ABCA8: variants seen among roughly 807,000 people sequenced by gnomAD.
ABCA8 encodes ABC-type organic anion transporter ABCA8.
ABCA8 carries 177 observed loss-of-function variants against 192.3 expected under a neutral mutation model. That is an observed-to-expected ratio of 0.92 (90% CI 0.81 to 1.04). The LOEUF (loss-of-function observed/expected upper bound fraction) is 1.04, where lower values mean the gene tolerates loss of function less well. Among genes scored for constraint, ABCA8 ranks in the 50% least tolerant of loss-of-function variants. The pLI is 0.00. For synonymous variants in ABCA8, 642 were observed against 690.2 expected (o/e 0.93, Z 1.09); for missense variants, 1,915 against 1,904.8 (o/e 1.01, Z -0.10).
Position 68,891,682 on chromosome 17 carries a change from T to C in ABCA8, c.3037-86A>G, listed in dbSNP as rs147563459. The C allele has an allele frequency of 2.1e-5, 21 of 989,068 alleles. No individual in the cohort carries two copies. The East Asian group carries it at 5.7e-4, about 27-fold the overall frequency. 61.3% of individuals were successfully genotyped at this position (989,068 alleles called of 1,614,324 possible). On this transcript the variant is annotated intron_variant, in intron 23 of 39. Transcript: ENST00000586539. ...TACATTTTTAAAATTTTAGACTAAGTTTACATAATTCTGCCTTAGGTCCCT... is the reference window on the plus strand; with the variant it reads ...TACATTTTTAAAATTTTAGACTAAGCTTACATAATTCTGCCTTAGGTCCCT...
At position 68,891,475 on chromosome 17, in the gene ABCA8, T is replaced by C; in HGVS notation, c.3144+14A>G. 1 of 1,560,456 alleles carries C rather than the reference T, an allele frequency of 6.4e-7. No individual in the cohort carries two copies. Among genetic ancestry groups the C allele is most frequent in the African/African-American group, 1.4e-5 (1 of 73,714 alleles). On this transcript the variant is annotated intron_variant, in intron 24 of 39. Transcript: ENST00000586539. ...TTATGCAAAATAATGGAAGTTGCAA[T>C]TACTCATTATTACCTTATAATCATC... is the stretch of plus-strand genomic sequence containing the variant.
rs753728781 is a variant in ABCA8 at position 68,903,326 on chromosome 17, G to T, written c.2572C>A (p.His858Asn). Reference protein sequence around the residue: ...IARVRLLKLKHERKALLALLL... With the variant: ...IARVRLLKLKNERKALLALLL... Reference sequence around the variant, plus strand: ...AGTGCTAAAAGAGCTTTTCTTTCATGCTTTAACTTTAACAAGCGAACCCTT... The same window carrying T: ...AGTGCTAAAAGAGCTTTTCTTTCATTCTTTAACTTTAACAAGCGAACCCTT... The change falls in exon 20 of 40, where the codon CAT becomes AAT. Residue 858 changes from histidine (H) to asparagine (N), a missense_variant. Physicochemically the swap from His to Asn is moderately conservative, Grantham distance 68. Transcript: ENST00000586539. 4 of 1,614,168 alleles carry T rather than the reference G, an allele frequency of 2.5e-6. No individual in the cohort carries two copies. The highest frequency in any genetic ancestry group is 3.4e-6 in the Non-Finnish European group (4 of 1,180,034).
chr17:68,903,980 A>T (rs1229118513), intron 19 of ABCA8, among the ~76,000 whole-genome samples: 2 of 152,144 alleles, frequency 1.3e-5, no homozygotes, highest in Non-Finnish European at 2.9e-5. Context: ...GATACCCAGG[A>T]TGCTGTCCAT....
In ABCA8 at chr17:68,919,327, T is replaced by G. The variant is rs1402690726; in HGVS notation, c.1762A>C (p.Ile588Leu). The part of the protein sequence containing the change: ...NLRLFAKIKG[I>L]LPQEVDKEIQ... ...TCTTTATCCACTTCTTGTGGCAGAATCCCTTTTATTTTAGCAAAGAGTCTG... is the reference window on the plus strand; with the variant it reads ...TCTTTATCCACTTCTTGTGGCAGAAGCCCTTTTATTTTAGCAAAGAGTCTG... The change falls in exon 14 of 40, where the codon ATT (isoleucine) becomes CTT (leucine). Residue 588 changes from isoleucine (I) to leucine (L), a missense_variant. Transcript: ENST00000586539. The G allele has an allele frequency of 1.4e-5, 22 of 1,612,762 alleles. No individual in the cohort carries two copies. Among genetic ancestry groups the G allele is most frequent in the Non-Finnish European group, 1.9e-5 (22 of 1,179,466 alleles).
chr17:68,906,830 G>C (rs988349190), intron 18 of ABCA8, among the ~76,000 whole-genome samples: 3 of 152,072 alleles, frequency 2.0e-5, no homozygotes, highest in East Asian at 1.9e-4. Context: ...TTACGCATCT[G>C]TCATTGTTCA....
chr17:68,942,630 CA>C (rs4148016), intron 2 of ABCA8, among the ~76,000 whole-genome samples: 4,897 of 152,202 alleles, frequency 0.032, 176 homozygotes, highest in East Asian at 0.2. Context: ...CGTCCTGTTG[CA>C]AAAGGAGTGC....
chr17:68,948,088 T>G (rs2068463601), intron 2 of ABCA8, among the ~76,000 whole-genome samples: 1 of 152,240 alleles, frequency 6.6e-6, no homozygotes, highest in South Asian at 2.1e-4. Context: ...TTCTTTTTCA[T>G]GGCTGCATAG....
intron 9 of ABCA8, among the ~76,000 whole-genome samples, chr17:68,928,422 G>C (rs1317026908): frequency 6.6e-6 from 1 of 152,146 alleles, no homozygotes; most frequent in Non-Finnish European, 1.5e-5. Flanking sequence ...GCGGCATGAG[G>C]GAGAATTTCT....
intron 18 of ABCA8, among the ~76,000 whole-genome samples, chr17:68,906,884 A>G (rs1486058356): frequency 2.0e-5 from 3 of 152,134 alleles, no homozygotes; most frequent in Non-Finnish European, 4.4e-5. Context: ...TTTGAATTAC[A>G]GTGGTTAAAT....
intron 2 of ABCA8, among the ~76,000 whole-genome samples, chr17:68,942,623 C>T (rs2068264690): frequency 6.6e-6 from 1 of 151,644 alleles, no homozygotes; most frequent in East Asian, 2.0e-4. Flanking sequence ...CTTTGGCCGT[C>T]CTGTTGCAAA....
rs752567105 is a variant in ABCA8, at chr17:68,919,364, T to C, written c.1725A>G (p.Val575=). The change falls in exon 14 of 40, where the codon GTA becomes GTG. Residue 575 remains valine, a synonymous_variant. Transcript: ENST00000586539. ...QSNVQFDFLT[V]RENLRLFAKI... is the part of the protein sequence containing the mutation. The stretch of plus-strand genomic sequence containing the variant: ...TAGCAAAGAGTCTGAGGTTTTCTCT[T>C]ACAGTGAGGAAGTCAAATTGCACAT... 5.6e-6 allele frequency: 9 copies of C among 1,613,904 alleles called. No homozygotes were observed. Among genetic ancestry groups the C allele is most frequent in the Non-Finnish European group, 6.8e-6 (8 of 1,179,978 alleles).
rs994776940 is a variant in ABCA8, at chr17:68,868,032, A to G, written c.*53T>C. On this transcript the variant is annotated 3_prime_UTR_variant, in exon 40 of 40. Coordinates refer to ENST00000586539, the MANE Select transcript of ABCA8 (RefSeq NM_001288985.2). ...AATAGAACATTGCTGCTATAAAAAT[A>G]AATGTATTTAAAAAAAACCACGGGT... is the stretch of plus-strand genomic sequence containing the variant. 1 of 1,227,626 alleles carries G rather than the reference A, an allele frequency of 8.1e-7. No individual in the cohort carries two copies. The highest frequency in any genetic ancestry group is 1.2e-6 in the Non-Finnish European group (1 of 869,026). The allele number at this position is 1,227,626 out of a possible 1,614,324, so 76.0% of individuals were successfully genotyped here.
intron 2 of ABCA8, among the ~76,000 whole-genome samples, chr17:68,947,854 C>T (rs1186446799): frequency 2.0e-5 from 3 of 152,050 alleles, no homozygotes; most frequent in African/African-American, 7.3e-5. Flanking sequence ...GTTTTAAGCC[C>T]CGCACGCATT....
intron 28 of ABCA8, 54 bp downstream of exon 28, chr17:68,884,277 A>C (rs1007485430): frequency 2.0e-6 from 3 of 1,465,246 alleles, no homozygotes; most frequent in African/African-American, 1.5e-5. Flanking sequence ...ACAGAACTGA[A>C]AATTATTAAA....
Position 68,917,367 on chromosome 17 carries a change from T to G in ABCA8, c.2132A>C (p.His711Pro). Residue 711 changes from histidine to proline, a missense_variant, in exon 17 of 40, where the codon CAC (histidine) becomes CCC (proline). Physicochemically the swap from His to Pro is moderately conservative, Grantham distance 77. Transcript: ENST00000586539. ...CCTTCTTAAGTGACCTTACCTTAAG[T>G]GATATCCAATCCCCCATTTCTTCTT... ...FLKKKWGIGYHLSLQLNEICV... is the reference protein window; with the variant it reads ...FLKKKWGIGYPLSLQLNEICV... 1 of 1,609,046 alleles carries G rather than the reference T, an allele frequency of 6.2e-7. No individual in the cohort carries two copies.
rs113971539 is a variant in ABCA8, at chr17:68,883,230, T to C, written c.3708-511A>G. 4.0e-3 allele frequency among the ~76,000 whole-genome samples: 602 copies of C among 152,346 alleles called. 1 individual carries two copies. The highest frequency in any genetic ancestry group is 8.0e-3 in the Admixed American group (123 of 15,302). On this transcript the variant is annotated intron_variant, in intron 29 of 39. Coordinates refer to ENST00000586539, the MANE Select transcript of ABCA8 (RefSeq NM_001288985.2). ...AAGATTTATTAAAGGTCTGCTTTCA[T>C]CTTGGCAGTCTCCCATCCAACTTTC...
intron 19 of ABCA8, among the ~76,000 whole-genome samples, chr17:68,903,836 A>G (rs1020259764): frequency 1.3e-5 from 2 of 152,150 alleles, no homozygotes; most frequent in Non-Finnish European, 2.9e-5. Context: ...CATGCTCTGA[A>G]CAGGGAGTAA....
intron 2 of ABCA8, among the ~76,000 whole-genome samples, chr17:68,944,363 CATAT>C (rs2068334789): frequency 2.8e-5 from 2 of 71,050 alleles, no homozygotes; most frequent in African/African-American, 5.1e-5. Flanking sequence ...TATATATACA[CATAT>C]ACATACATAT....
rs143022668 is a variant in ABCA8 at position 68,894,297 on chromosome 17, G to A, written c.2912C>T (p.Ser971Leu). ...CAATCTTTTGGCATTGCATGCTAACGAAAAGCTGTAATTCTAAAATATAAC... is the reference window on the plus strand; with the variant it reads ...CAATCTTTTGGCATTGCATGCTAACAAAAAGCTGTAATTCTAAAATATAAC... ...VCCNEKNYSF[S>L]LACNAKRLNC... is the part of the protein sequence containing the mutation. The change falls in exon 23 of 40, where the codon TCG (serine) becomes TTG (leucine). Residue 971 changes from serine (S) to leucine (L), a missense_variant. By Grantham distance (145) the Ser-to-Leu change is moderately radical. Coordinates refer to ENST00000586539, the MANE Select transcript of ABCA8 (RefSeq NM_001288985.2). 189 of 1,607,842 alleles carry A rather than the reference G, an allele frequency of 1.2e-4. 1 individual carries two copies. Among genetic ancestry groups the A allele is most frequent in the African/African-American group, 6.3e-4 (47 of 74,778 alleles).
Sources: gnomAD v4.1 joint callset for allele counts (sites outside exome capture counted in the v4.1 genomes callset) on GRCh38, gnomAD v4.1.1 for gene constraint, MANE v1.5 for transcripts, NCBI Gene and HGNC (gene_info 2026-07-23, HGNC 2026-07-21) for gene names.